Variants in ZNF782 observed in about 807,000 individuals in gnomAD.
ZNF782 encodes the protein zinc finger protein 782.
A neutral mutation model predicts 13.0 loss-of-function variants in ZNF782; 12 were observed. That is an observed-to-expected ratio of 0.92 (90% CI 0.59 to 1.50). ZNF782 has a LOEUF of 1.50. Ranked by LOEUF, ZNF782 falls within the 40% of genes most tolerant of loss-of-function variation. The probability of loss-of-function intolerance (pLI) is 0.00; values close to 1 mark genes in which losing one functional copy is unlikely to be tolerated. For missense variants in ZNF782, 770 were observed against 822.9 expected (o/e 0.94, Z 0.79); for synonymous variants, 284 against 283.0 (o/e 1.00, Z -0.04).
chr9:96,836,581 G>A (rs1405204011), intron 4 of ZNF782, among the ~76,000 whole-genome samples: 2 of 152,090 alleles, frequency 1.3e-5, no homozygotes. Flanking sequence ...AAGGCTTTTG[G>A]GACTAGTGGG....
the ZNF782 span, chr9:96,910,053 T>G: frequency 1.2e-4 from 71 of 580,144 alleles, no homozygotes; most frequent in South Asian, 9.8e-4. Flanking sequence ...ATCCCCTGCA[T>G]CAGATCACCG....
At chr9:96,912,718 G>A in the ZNF782 span, among the ~76,000 whole-genome samples, 1 of 150,968 alleles carries the variant, frequency 6.6e-6, no homozygotes, top group African/African-American at 2.4e-5. Flanking sequence ...TAGTAGAGAC[G>A]GGGTTTCACC....
chr9:96,847,189 G>A (rs995737675), intron 3 of ZNF782, among the ~76,000 whole-genome samples: 1 of 152,132 alleles, frequency 6.6e-6, no homozygotes, highest in African/African-American at 2.4e-5. Flanking sequence ...GCAGTGCTAA[G>A]AGAAAAGTTT....
intron 1 of ZNF782, among the ~76,000 whole-genome samples, chr9:96,872,023 A>G (rs550284136): frequency 1.3e-5 from 2 of 152,306 alleles, no homozygotes; most frequent in East Asian, 1.9e-4. Flanking sequence ...AATACATTTT[A>G]TTATCCCGCA....
chr9:96,880,291 G>T (rs1851947127), upstream of ZNF782, among the ~76,000 whole-genome samples: 1 of 151,138 alleles, frequency 6.6e-6, no homozygotes, highest in African/African-American at 2.4e-5. Flanking sequence ...TTACATTATT[G>T]TAATGGCCAG....
chr9:96,849,823 T>C (rs1203939148), intron 3 of ZNF782, among the ~76,000 whole-genome samples: 2 of 150,190 alleles, frequency 1.3e-5, no homozygotes, highest in African/African-American at 2.5e-5. Context: ...AGAAAAAAAA[T>C]CCCATAAAAA....
chr9:96,900,165 T>G, the ZNF782 span, among the ~76,000 whole-genome samples: 3 of 151,316 alleles, frequency 2.0e-5, no homozygotes, highest in East Asian at 5.9e-4. Flanking sequence ...TTGGTTAAGC[T>G]CACAGAGCTG....
the ZNF782 span, among the ~76,000 whole-genome samples, chr9:96,910,896 A>G: frequency 2.0e-5 from 3 of 150,042 alleles, no homozygotes; most frequent in African/African-American, 7.3e-5. Context: ...TCGGCCTCCC[A>G]AAGTGCTGGG....
intron 5 of ZNF782, among the ~76,000 whole-genome samples, chr9:96,821,626 A>G (rs1478061869): frequency 6.6e-6 from 1 of 152,016 alleles, no homozygotes; most frequent in East Asian, 1.9e-4. Flanking sequence ...GCATGGTTAA[A>G]TGGCATTTTC....
the ZNF782 span, among the ~76,000 whole-genome samples, chr9:96,911,971 G>T: frequency 5.3e-5 from 8 of 151,732 alleles, no homozygotes; most frequent in Non-Finnish European, 1.2e-4. Flanking sequence ...AGGCCGAGGC[G>T]GGCAGATCAT....
intron 3 of ZNF782, among the ~76,000 whole-genome samples, chr9:96,851,516 C>T (rs1479106286): frequency 6.6e-6 from 1 of 152,088 alleles, no homozygotes; most frequent in Admixed American, 6.6e-5. Context: ...ATAGTTTAAT[C>T]CAATTTGTGA....
At chr9:96,877,583 C>T (rs1008150792), upstream of ZNF782, among the ~76,000 whole-genome samples, 3 of 152,242 alleles carry the variant, frequency 2.0e-5, no homozygotes, top group East Asian at 1.9e-4. Context: ...CGCGTCCGAG[C>T]GCGTCCTCAG....
chr9:96,879,342 A>G (rs1315151197), upstream of ZNF782, among the ~76,000 whole-genome samples: 1 of 152,056 alleles, frequency 6.6e-6, no homozygotes, highest in Non-Finnish European at 1.5e-5. Context: ...CAAAAACAAC[A>G]ACAACAAAAA....
intron 1 of ZNF782, among the ~76,000 whole-genome samples, chr9:96,864,950 G>A (rs1016296897): frequency 3.3e-5 from 5 of 151,790 alleles, no homozygotes; most frequent in African/African-American, 1.2e-4. Flanking sequence ...AAAGGCTTAG[G>A]TGAATGGATC....
At chr9:96,831,512 A>T (rs1344105942) in intron 4 of ZNF782, among the ~76,000 whole-genome samples, 1 of 152,052 alleles carries the variant, frequency 6.6e-6, no homozygotes, top group Non-Finnish European at 1.5e-5. Flanking sequence ...GATTGAGACC[A>T]TCCTGGCTAA....
intron 5 of ZNF782, among the ~76,000 whole-genome samples, chr9:96,823,632 G>A (rs528718072): frequency 2.6e-5 from 4 of 152,178 alleles, no homozygotes; most frequent in Admixed American, 2.6e-4. Context: ...ACGCTATAGA[G>A]GTAGGAATTT....
chr9:96,841,050 A>G (rs1851174480), intron 4 of ZNF782, among the ~76,000 whole-genome samples: 2 of 152,012 alleles, frequency 1.3e-5, no homozygotes, highest in South Asian at 4.1e-4. Flanking sequence ...GAAATGACCA[A>G]TATAAAGAAT....
chr9:96,823,472 C>T (rs759197806), intron 5 of ZNF782, among the ~76,000 whole-genome samples: 15 of 152,114 alleles, frequency 9.9e-5, no homozygotes, highest in Non-Finnish European at 2.2e-4. Context: ...TTTTAAAGTT[C>T]TCTACTTTTA....
intron 4 of ZNF782, among the ~76,000 whole-genome samples, chr9:96,842,780 A>AAAAAT (rs1319481624): frequency 6.6e-6 from 1 of 152,114 alleles, no homozygotes; most frequent in Non-Finnish European, 1.5e-5. Context: ...AGACTGGTAT[A>AAAAAT]AAAATGTGCA....
Sources: allele counts gnomAD v4.1 joint callset (sites outside exome capture counted in the v4.1 genomes callset), GRCh38; gene constraint gnomAD v4.1.1; transcripts MANE v1.5; gene names NCBI Gene and HGNC (gene_info 2026-07-23, HGNC 2026-07-21).